CREBBP: variants seen among roughly 807,000 people sequenced by gnomAD.
CREBBP encodes CREB binding lysine acetyltransferase, also known as CREB-binding protein.
A neutral mutation model predicts 265.0 loss-of-function variants in CREBBP; 19 were observed. The observed-to-expected ratio is 0.07, with a 90% CI of 0.05 to 0.11. The LOEUF is 0.11. Among genes scored for constraint, CREBBP ranks in the 10% least tolerant of loss-of-function variants. CREBBP has a pLI of 1.00. For missense variants in CREBBP, 2,525 were observed against 3,219.0 expected (o/e 0.78, Z 5.22); for synonymous variants, 1,457 against 1,223.7 (o/e 1.19, Z -3.98).
chr16:3,843,076 A>C (rs755754253), intron 2 of CREBBP, among the ~76,000 whole-genome samples: 3 of 151,956 alleles, frequency 2.0e-5, no homozygotes, highest in Non-Finnish European at 4.4e-5. Flanking sequence ...TTAAGTTAAC[A>C]AATTTTAAAG....
chr16:3,803,260 C>T (rs1490302468), intron 3 of CREBBP, among the ~76,000 whole-genome samples: 1 of 8,454 alleles, frequency 1.2e-4, no homozygotes, highest in Non-Finnish European at 2.2e-4. Flanking sequence ...AGGCTGACGG[C>T]GGGGAGGGGG....
At position 3,782,803 on chromosome 16, in the gene CREBBP, T is replaced by C. The variant is rs746188366; in HGVS notation, c.1454A>G (p.Tyr485Cys). Residue 485 changes from tyrosine (Y) to cysteine (C), a missense_variant, in exon 6 of 31, where the codon TAT (tyrosine) becomes TGT (cysteine). This residue lies in a region of CREBBP where 48 missense variants were observed against 70.2 expected (regional missense o/e 0.68). Coordinates refer to ENST00000262367, the MANE Select transcript of CREBBP (RefSeq NM_004380.3). Reference protein sequence around the residue: ...PIDPSSMQRAYAALGLPYMNQ... With the variant: ...PIDPSSMQRACAALGLPYMNQ... ...CATGTAGGGGAGTCCGAGAGCAGCA[T>C]AGGCTCGCTGCATGGAGCTGGGGTC... 5.6e-6 allele frequency: 9 copies of C among 1,614,024 alleles called. No individual in the cohort carries two copies. Among genetic ancestry groups the C allele is most frequent in the Admixed American group, 1.7e-5 (1 of 59,990 alleles).
chr16:3,826,734 C>A (rs763493862), intron 2 of CREBBP, among the ~76,000 whole-genome samples: 1 of 152,040 alleles, frequency 6.6e-6, no homozygotes, highest in Admixed American at 6.6e-5. Flanking sequence ...AATCAAGAGG[C>A]GCCTAAGGAG....
intron 16 of CREBBP, among the ~76,000 whole-genome samples, chr16:3,760,244 AC>A (rs1349588521): frequency 6.6e-6 from 1 of 151,772 alleles, no homozygotes; most frequent in Non-Finnish European, 1.5e-5. Flanking sequence ...GGTGTGTGCT[AC>A]CATGCCTGAC....
chr16:3,782,532 C>A (rs2053295660), intron 6 of CREBBP, 152 bp downstream of exon 6: 2 of 1,003,144 alleles, frequency 2.0e-6, no homozygotes, highest in African/African-American at 3.3e-5. Context: ...TTCCTTGCAT[C>A]AGATACTTCA....
At chr16:3,820,410 G>A (rs1326501640) in intron 2 of CREBBP, among the ~76,000 whole-genome samples, 2 of 152,230 alleles carry the variant, frequency 1.3e-5, no homozygotes, top group Admixed American at 6.5e-5. Flanking sequence ...AAGCACCTGG[G>A]CAGGTGAACA....
At chr16:3,835,227 G>C (rs373487576) in intron 2 of CREBBP, among the ~76,000 whole-genome samples, 1 of 151,804 alleles carries the variant, frequency 6.6e-6, no homozygotes, top group East Asian at 1.9e-4. Context: ...TAGAAAAATA[G>C]ATCAATAGAA....
chr16:3,815,550 A>ATTTTTTT (rs1166085466), intron 2 of CREBBP, among the ~76,000 whole-genome samples: 1 of 134,834 alleles, frequency 7.4e-6, no homozygotes, highest in Admixed American at 7.4e-5. Flanking sequence ...AAAAAAAAAA[A>ATTTTTTT]TTTTTTTTTT....
At chr16:3,787,580 G>T (rs968315862) in intron 5 of CREBBP, among the ~76,000 whole-genome samples, 2 of 152,072 alleles carry the variant, frequency 1.3e-5, no homozygotes, top group Non-Finnish European at 2.9e-5. Context: ...GCTATTCGAT[G>T]AGTGGCAGTT....
rs141042092 is a variant in CREBBP, at chr16:3,857,551, C to G, written c.86-6542G>C. ...TTGCTTTCTACACACCAAAGTGTCC[C>G]AACACATGGGTTAAGCAAGAGCAAT... On this transcript the variant is annotated intron_variant, in intron 1 of 30. Transcript: ENST00000262367. 1.0e-3 allele frequency among the ~76,000 whole-genome samples: 155 copies of G among 152,268 alleles called. 2 individuals carry two copies. In the Middle Eastern group the frequency reaches 0.01, roughly 10 times the overall value.
intron 6 of CREBBP, among the ~76,000 whole-genome samples, 177 bp from the exon 7 acceptor site, chr16:3,781,483 T>C (rs1267472040): frequency 6.6e-6 from 1 of 152,162 alleles, no homozygotes; most frequent in Non-Finnish European, 1.5e-5. Flanking sequence ...TTTTCAATAA[T>C]GGTAATCAAC....
chr16:3,752,140 T>C (rs1362251715), intron 19 of CREBBP, among the ~76,000 whole-genome samples: 1 of 152,170 alleles, frequency 6.6e-6, no homozygotes, highest in African/African-American at 2.4e-5. Context: ...ACAGGCTCGG[T>C]CCGGCTCCAA....
At chr16:3,773,992 G>A (rs2053078181) in intron 12 of CREBBP, 62 bp from the exon 13 acceptor site, 3 of 1,576,330 alleles carry the variant, frequency 1.9e-6, no homozygotes, top group African/African-American at 1.3e-5. Context: ...AGTTTTCAAG[G>A]TGAGCCAGAA....
At position 3,749,634 on chromosome 16, in the gene CREBBP, G is replaced by A. The variant is rs778840635; in HGVS notation, c.3829C>T (p.Pro1277Ser). Residue 1277 changes from proline (P) to serine (S), a missense_variant, in exon 21 of 31, where the codon CCC (proline) becomes TCC (serine). Around this residue, in one of 19 missense-constraint regions of CREBBP, gnomAD observed 252 missense variants for 452.5 expected, o/e 0.56. Transcript: ENST00000262367. ...FEKKKNDTLD[P>S]EPFVDCKECG... ...AAATAGCTATATACTTACGGTTCGG[G>A]GTCTAAGGTATCATTTTTCTTCTTT... The A allele has an allele frequency of 5.6e-6, 9 of 1,604,094 alleles. No homozygotes were observed. The highest frequency in any genetic ancestry group is 1.7e-5 in the Admixed American group (1 of 59,914).
At chr16:3,833,245 T>A (rs1341589089) in intron 2 of CREBBP, among the ~76,000 whole-genome samples, 3 of 152,180 alleles carry the variant, frequency 2.0e-5, no homozygotes, top group African/African-American at 7.2e-5. Flanking sequence ...AAACCCCGTA[T>A]CTACTAAAAA....
chr16:3,875,525 ACACTCCTGGCTGCCCCCAC>A (rs990506535), intron 1 of CREBBP, among the ~76,000 whole-genome samples: 20 of 152,172 alleles, frequency 1.3e-4, no homozygotes, highest in African/African-American at 4.3e-4. Context: ...GAGGAAGAAT[ACACTCCTGGCTGCCCCCAC>A]CACAGGTGGT....
At chr16:3,820,175 C>T (rs1424713168) in intron 2 of CREBBP, among the ~76,000 whole-genome samples, 1 of 152,228 alleles carries the variant, frequency 6.6e-6, no homozygotes, top group African/African-American at 2.4e-5. Context: ...AAGCCAAAAG[C>T]ATTTTCTCTT....
intron 2 of CREBBP, among the ~76,000 whole-genome samples, chr16:3,814,331 T>C (rs1459220864): frequency 6.6e-6 from 1 of 151,082 alleles, no homozygotes; most frequent in African/African-American, 2.4e-5. Flanking sequence ...TTCAGCTCCC[T>C]GCAACCTCCG....
Position 3,770,871 on chromosome 16 carries a change from G to A in CREBBP, c.2579C>T (p.Ala860Val), listed in dbSNP as rs776199399. The A allele has an allele frequency of 8.7e-6, 14 of 1,613,798 alleles. No individual in the cohort carries two copies. Among genetic ancestry groups the A allele is most frequent in the Non-Finnish European group, 1.1e-5 (13 of 1,180,030 alleles). ...QSPLHPTPPP[A>V]STAAGMPSLQ... is the part of the protein sequence containing the mutation. ...AGATGGCATGCCAGCAGCCGTGGAA[G>A]CAGGAGGCGGTGTTGGGTGCAGTGG... The change falls in exon 14 of 31, where the codon GCT becomes GTT. Residue 860 changes from alanine (A) to valine (V), a missense_variant. Physicochemically the swap from Ala to Val is moderately conservative, Grantham distance 64 (BLOSUM62 0). Around this residue, in one of 19 missense-constraint regions of CREBBP, gnomAD observed 548 missense variants for 533.0 expected, o/e 1.03. Coordinates refer to ENST00000262367, the MANE Select transcript of CREBBP (RefSeq NM_004380.3).
Sources: gnomAD v4.1 joint callset for allele counts (sites outside exome capture counted in the v4.1 genomes callset) on GRCh38, gnomAD v4.1.1 for gene constraint, gnomAD v4.1.1 regional missense constraint, MANE v1.5 for transcripts, NCBI Gene and HGNC (gene_info 2026-07-23, HGNC 2026-07-21) for gene names.